EPG5: variants seen among roughly 807,000 people sequenced by gnomAD.
The protein encoded by EPG5 is ectopic P granules protein 5 homolog.
In EPG5, 159 loss-of-function variants were observed where a neutral mutation model predicts 302.7. The observed-to-expected ratio is 0.53, with a 90% CI of 0.46 to 0.60. EPG5 has a LOEUF of 0.60. Among genes scored for constraint, EPG5 ranks in the 20% least tolerant of loss-of-function variants. EPG5 has a pLI of 0.00. For synonymous variants in EPG5, 1,158 were observed against 1,136.8 expected (o/e 1.02, Z -0.37); for missense variants, 2,896 against 3,092.4 (o/e 0.94, Z 1.51).
chr18:45,905,227 A>G (rs561367792), intron 24 of EPG5, among the ~76,000 whole-genome samples: 1 of 152,196 alleles, frequency 6.6e-6, no homozygotes, highest in East Asian at 1.9e-4. Flanking sequence ...TCAAATTATC[A>G]ATGAACTTTA....
intron 6 of EPG5, among the ~76,000 whole-genome samples, chr18:45,947,470 T>C (rs2050809149): frequency 6.6e-6 from 1 of 151,960 alleles, no homozygotes; most frequent in African/African-American, 2.4e-5. Flanking sequence ...TAGATATAAA[T>C]GCAAAAACAC....
At chr18:45,802,583 A>G in the EPG5 span, among the ~76,000 whole-genome samples, 1 of 151,552 alleles carries the variant, frequency 6.6e-6, no homozygotes, top group African/African-American at 2.4e-5. Context: ...TTCCAACCCC[A>G]CCCCAGTGCC....
chr18:45,876,177 A>T, intron 35 of EPG5, 59 bp downstream of exon 35: 1 of 1,183,638 alleles, frequency 8.4e-7, no homozygotes, highest in East Asian at 2.4e-5. Context: ...TAGAAGAAAA[A>T]GACTGACTGA....
chr18:45,822,636 A>C, the EPG5 span, among the ~76,000 whole-genome samples: 2 of 152,230 alleles, frequency 1.3e-5, no homozygotes, highest in African/African-American at 4.8e-5. Context: ...TGTATATATC[A>C]AAAAATCACT....
chr18:45,949,421 A>T, intron 5 of EPG5, 63 bp downstream of exon 5: 1 of 889,512 alleles, frequency 1.1e-6, no homozygotes, highest in Non-Finnish European at 1.7e-6. Flanking sequence ...CAATTTCTTC[A>T]GGAATAATGT....
At chr18:45,800,879 G>A in the EPG5 span, among the ~76,000 whole-genome samples, 1 of 152,228 alleles carries the variant, frequency 6.6e-6, no homozygotes, top group Non-Finnish European at 1.5e-5. Context: ...TAAAAGGTGA[G>A]CGTCTTGATA....
intron 43 of EPG5, 99 bp from the exon 44 acceptor site, chr18:45,852,748 G>A: frequency 1.9e-6 from 2 of 1,076,842 alleles, no homozygotes; most frequent in Non-Finnish European, 2.7e-6. Context: ...CTTCAACTGT[G>A]AGCCTTGTGG....
At chr18:45,900,059 C>T (rs951887099) in intron 26 of EPG5, among the ~76,000 whole-genome samples, 5 of 152,136 alleles carry the variant, frequency 3.3e-5, no homozygotes, top group Admixed American at 1.3e-4. Context: ...TCAACACACA[C>T]GCAACAAATG....
At chr18:45,829,213 A>T in the EPG5 span, 1 of 935,672 alleles carries the variant, frequency 1.1e-6, no homozygotes, top group Non-Finnish European at 1.3e-6. Flanking sequence ...CGCCACAGTC[A>T]GCCTGCGGCA....
intron 30 of EPG5, among the ~76,000 whole-genome samples, chr18:45,883,981 G>C (rs71358414): frequency 6.6e-6 from 1 of 151,590 alleles, no homozygotes; most frequent in East Asian, 1.9e-4. Context: ...AATTTGCTTA[G>C]ATCCAGCTTA....
chr18:45,916,697 A>C, intron 17 of EPG5, 115 bp from the exon 18 acceptor site: 1 of 1,120,620 alleles, frequency 8.9e-7, no homozygotes, highest in Non-Finnish European at 1.2e-6. Context: ...TTTCGACCAA[A>C]GCACTATTTA....
intron 10 of EPG5, 56 bp downstream of exon 10, chr18:45,939,544 G>A (rs962783916): frequency 6.5e-7 from 1 of 1,546,048 alleles, no homozygotes; most frequent in South Asian, 1.1e-5. Flanking sequence ...TCACCGAATG[G>A]TTCTTACTAG....
At chr18:45,915,817 G>T (rs1030557540) in intron 19 of EPG5, among the ~76,000 whole-genome samples, 192 bp downstream of exon 19, 2 of 152,176 alleles carry the variant, frequency 1.3e-5, no homozygotes, top group Non-Finnish European at 2.9e-5. Flanking sequence ...CTCTTCCTGG[G>T]CTGTCCTTTC....
intron 17 of EPG5, 98 bp from the exon 18 acceptor site, chr18:45,916,680 T>A: frequency 7.6e-7 from 1 of 1,310,432 alleles, no homozygotes. Context: ...CCTAAATTGG[T>A]CCCATTTTTC....
At chr18:45,861,085 C>CACAAGGATTCAGTATTTATGTCA (rs2048624527) in intron 39 of EPG5, among the ~76,000 whole-genome samples, 1 of 152,168 alleles carries the variant, frequency 6.6e-6, no homozygotes, top group African/African-American at 2.4e-5. Context: ...GCTTTCACAC[C>CACAAGGATTCAGTATTTATGTCA]ACAAGGATTC....
At chr18:45,943,692 C>T (rs553001666) in intron 8 of EPG5, among the ~76,000 whole-genome samples, 5 of 152,192 alleles carry the variant, frequency 3.3e-5, no homozygotes, top group Admixed American at 6.5e-5. Flanking sequence ...GAGGCGGAGA[C>T]GGGCGGATCA....
the EPG5 span, chr18:45,839,214 C>T: frequency 1.6e-6 from 2 of 1,264,746 alleles, no homozygotes; most frequent in Non-Finnish European, 2.0e-6. Context: ...TTGCCCTATG[C>T]ATCGTGGCGC....
Position 45,946,674 on chromosome 18 carries a change from C to G in EPG5, c.1666G>C (p.Gly556Arg). 6.2e-7 allele frequency: 1 copy of G among 1,613,660 alleles called. No individual in the cohort carries two copies. Among genetic ancestry groups the G allele is most frequent in the Non-Finnish European group, 8.5e-7 (1 of 1,179,694 alleles). ...ATATGACAAGTTACCTCTTCTCCTC[C>G]TTCGTCTACTAGCGTCCAAGTCCCA... is the stretch of plus-strand genomic sequence containing the variant. ...GSGTWTLVDE[G>R]GEEDEDPETS... The change falls in exon 7 of 44, where the codon GGA (glycine) becomes CGA (arginine). Residue 556 changes from glycine to arginine, a missense_variant. By Grantham distance (125) the Gly-to-Arg change is moderately radical (BLOSUM62 -2). Around this residue, in one of 5 missense-constraint regions of EPG5, gnomAD observed 1,390 missense variants for 1,430.0 expected, o/e 0.97. Coordinates refer to ENST00000282041, the MANE Select transcript of EPG5 (RefSeq NM_020964.3).
At chr18:45,892,120 T>C (rs2049365111) in intron 27 of EPG5, among the ~76,000 whole-genome samples, 1 of 152,190 alleles carries the variant, frequency 6.6e-6, no homozygotes, top group Admixed American at 6.5e-5. Flanking sequence ...CTAAAACTAC[T>C]CTGTAATCCA....
Sources: gnomAD v4.1 joint callset for allele counts (sites outside exome capture counted in the v4.1 genomes callset) on GRCh38, gnomAD v4.1.1 for gene constraint, gnomAD v4.1.1 regional missense constraint, MANE v1.5 for transcripts, NCBI Gene and HGNC (gene_info 2026-07-23, HGNC 2026-07-21) for gene names.